DIAPH2: variants seen among roughly 807,000 people sequenced by gnomAD.
The protein encoded by DIAPH2 is diaphanous related formin 2, also known as protein diaphanous homolog 2.
In DIAPH2, 35 loss-of-function variants were observed where a neutral mutation model predicts 92.7. The ratio of observed to expected loss-of-function variants is 0.38; its 90% CI spans 0.29 to 0.50. The LOEUF is 0.50. DIAPH2 is among the 20% of genes least tolerant of loss of function. The probability of loss-of-function intolerance (pLI) is 0.94; values close to 1 mark genes in which losing one functional copy is unlikely to be tolerated. For synonymous variants in DIAPH2, 301 were observed against 280.4 expected, an observed-to-expected ratio of 1.07 and a Z score of -0.73; for missense variants, 701 against 819.5, an observed-to-expected ratio of 0.86 and a Z score of 1.77.
chrX:97,299,095 T>C (rs184392615), intron 23 of DIAPH2, among the ~76,000 whole-genome samples: 2 of 111,833 alleles, frequency 1.8e-5, no homozygotes, highest in Non-Finnish European at 3.8e-5. Flanking sequence ...AATTGAGCAG[T>C]CATTTCATTA....
chrX:96,701,680 C>T (rs776728677), intron 1 of DIAPH2: 2 of 111,146 alleles, frequency 1.8e-5, no homozygotes, highest in East Asian at 5.7e-4. Flanking sequence ...TATGTAAAGG[C>T]ACATATTTGT....
chrX:97,216,057 G>A (rs1330308259), intron 22 of DIAPH2, among the ~76,000 whole-genome samples: 2 of 112,010 alleles, frequency 1.8e-5, no homozygotes, highest in African/African-American at 6.5e-5. Flanking sequence ...AACAGCCGAT[G>A]TATCAGTCTA....
intron 17 of DIAPH2, among the ~76,000 whole-genome samples, chrX:97,057,995 A>G (rs949024714): frequency 2.0e-4 from 22 of 110,645 alleles, no homozygotes; most frequent in Non-Finnish European, 1.3e-4. Flanking sequence ...AAGGTGTGGT[A>G]CTTGCTTACT....
intron 24 of DIAPH2, among the ~76,000 whole-genome samples, chrX:97,370,640 T>C (rs1244313195): frequency 8.9e-6 from 1 of 111,990 alleles, no homozygotes. Flanking sequence ...CTAAGAGTTA[T>C]GCAGCATGTG....
intron 17 of DIAPH2, among the ~76,000 whole-genome samples, chrX:97,008,625 C>T (rs987058831): frequency 2.7e-5 from 3 of 111,657 alleles, no homozygotes; most frequent in Non-Finnish European, 5.7e-5. Context: ...TCACTGCAGT[C>T]GTATCTTCAC....
At chrX:97,214,270 ATTTGT>A (rs1201331708) in intron 22 of DIAPH2, among the ~76,000 whole-genome samples, 2 of 111,357 alleles carry the variant, frequency 1.8e-5, no homozygotes, top group African/African-American at 6.5e-5. Flanking sequence ...AACAAAAACT[ATTTGT>A]TTTATCTGTG....
intron 17 of DIAPH2, among the ~76,000 whole-genome samples, chrX:97,002,482 A>C (rs748486750): frequency 2.2e-4 from 24 of 111,427 alleles, no homozygotes; most frequent in African/African-American, 7.8e-4. Flanking sequence ...ATTGATTCAT[A>C]GAAGACTTTA....
intron 4 of DIAPH2, among the ~76,000 whole-genome samples, chrX:96,794,194 A>G (rs1458153444): frequency 9.0e-6 from 1 of 111,178 alleles, no homozygotes; most frequent in Non-Finnish European, 1.9e-5. Flanking sequence ...CACTAATTCC[A>G]TTCATGAAGG....
intron 17 of DIAPH2, among the ~76,000 whole-genome samples, chrX:97,071,415 T>C (rs769995088): frequency 3.6e-5 from 4 of 111,197 alleles, no homozygotes; most frequent in Non-Finnish European, 7.6e-5. Flanking sequence ...AAAGTCACTT[T>C]TCTTCCAGTA....
chrX:97,383,397 C>T (rs1362405216), intron 24 of DIAPH2, among the ~76,000 whole-genome samples: 1 of 109,589 alleles, frequency 9.1e-6, no homozygotes, highest in Non-Finnish European at 1.9e-5. Flanking sequence ...TATCATTTTT[C>T]CTCACAAAAC....
intron 25 of DIAPH2, among the ~76,000 whole-genome samples, chrX:97,423,530 C>T (rs943903454): frequency 9.0e-6 from 1 of 111,673 alleles, no homozygotes; most frequent in Non-Finnish European, 1.9e-5. Context: ...AGCAGGCATT[C>T]GGCATCTACT....
At chrX:97,055,756 G>C (rs1446024558) in intron 17 of DIAPH2, among the ~76,000 whole-genome samples, 1 of 111,636 alleles carries the variant, frequency 9.0e-6, no homozygotes. Context: ...AAACAGACTA[G>C]TCAGAAGCAT....
chrX:97,299,345 C>T (rs1204400416), intron 23 of DIAPH2, among the ~76,000 whole-genome samples: 3 of 111,930 alleles, frequency 2.7e-5, no homozygotes, highest in Non-Finnish European at 5.6e-5. Flanking sequence ...CGTTTACCAT[C>T]AACCCCTATG....
chrX:97,131,706 A>G (rs1022637245), intron 21 of DIAPH2, among the ~76,000 whole-genome samples: 2 of 112,777 alleles, frequency 1.8e-5, no homozygotes, highest in African/African-American at 3.2e-5. Flanking sequence ...ATACTTGTAA[A>G]CTATTTCTAT....
chrX:97,476,926 A>T (rs1213179892), intron 26 of DIAPH2, among the ~76,000 whole-genome samples: 1 of 88,777 alleles, frequency 1.1e-5, no homozygotes, highest in Non-Finnish European at 2.2e-5. Flanking sequence ...CCTGGGCAAC[A>T]AGAGCAAAAC....
chrX:97,226,359 G>A (rs866278938), intron 22 of DIAPH2, among the ~76,000 whole-genome samples: 1 of 108,981 alleles, frequency 9.2e-6, no homozygotes, highest in Non-Finnish European at 1.9e-5. Flanking sequence ...TTTGTTTTTT[G>A]TTTTATTTTG....
chrX:97,092,700 G>A (rs1378764985), intron 19 of DIAPH2, among the ~76,000 whole-genome samples: 1 of 111,782 alleles, frequency 8.9e-6, no homozygotes, highest in Non-Finnish European at 1.9e-5. Context: ...ATTTGGTGCT[G>A]TAATGATAGG....
chrX:97,264,543 TG>T (rs2068319083), intron 23 of DIAPH2, among the ~76,000 whole-genome samples: 1 of 112,417 alleles, frequency 8.9e-6, no homozygotes. Flanking sequence ...ATGTCTCTGA[TG>T]CCACTGAGGC....
intron 23 of DIAPH2, among the ~76,000 whole-genome samples, chrX:97,298,623 T>TC (rs2068666754): frequency 9.4e-6 from 1 of 105,825 alleles, no homozygotes; most frequent in African/African-American, 3.5e-5. Context: ...TTTTTTTTTT[T>TC]TTTTTTATTG....
Sources: allele counts gnomAD v4.1 joint callset (sites outside exome capture counted in the v4.1 genomes callset), GRCh38; gene constraint gnomAD v4.1.1; transcripts MANE v1.5; gene names NCBI Gene and HGNC (gene_info 2026-07-23, HGNC 2026-07-21).